The following CHD6 variants were observed in gnomAD, a reference collection of about 807,000 sequenced individuals.
CHD6 encodes chromodomain helicase DNA binding protein 6.
In CHD6, 50 loss-of-function variants were observed where a neutral mutation model predicts 276.9. The observed-to-expected ratio is 0.18, with a 90% CI of 0.14 to 0.23. CHD6 has a LOEUF of 0.23. Among genes scored for constraint, CHD6 ranks in the 10% least tolerant of loss-of-function variants. The pLI, the probability that CHD6 is intolerant of heterozygous loss-of-function variation, is 1.00. For synonymous variants in CHD6, 1,173 were observed against 1,229.3 expected, an observed-to-expected ratio of 0.95 and a Z score of 0.96; for missense variants, 2,564 against 3,365.8, an observed-to-expected ratio of 0.76 and a Z score of 5.89.
intron 11 of CHD6, among the ~76,000 whole-genome samples, chr20:41,491,033 GGTGA>G (rs199582160): frequency 8.6e-5 from 13 of 151,864 alleles, no homozygotes; most frequent in African/African-American, 1.7e-4. Flanking sequence ...AGTTGCTCTG[GGTGA>G]GTGAGTGAGT....
intron 1 of CHD6, among the ~76,000 whole-genome samples, chr20:41,596,312 G>C (rs560194519): frequency 6.6e-6 from 1 of 152,244 alleles, no homozygotes. Flanking sequence ...CCCTTAACTA[G>C]TTTAGAGGTC....
rs1160291280 is a variant in CHD6, at chr20:41,452,443, T to C, written c.3323+297A>G. On this transcript the variant is annotated intron_variant, in intron 21 of 36. Coordinates refer to ENST00000373233, the MANE Select transcript of CHD6 (RefSeq NM_032221.5). This position sits in a 1 kb window ranked among gnomAD's most constrained non-coding sequence, Gnocchi z 4.2. ...ACATGTGTTGTGTGGACTCCTTGTATATCCTTGCGGGGTGGGAGGAAGCAG... is the reference window on the plus strand; with the variant it reads ...ACATGTGTTGTGTGGACTCCTTGTACATCCTTGCGGGGTGGGAGGAAGCAG... 4.6e-5 allele frequency among the ~76,000 whole-genome samples: 7 copies of C among 152,216 alleles called. No individual in the cohort carries two copies. The highest frequency in any genetic ancestry group is 9.6e-5 in the African/African-American group (4 of 41,456).
intron 27 of CHD6, among the ~76,000 whole-genome samples, chr20:41,434,068 T>A (rs1319337168): frequency 1.3e-4 from 20 of 152,184 alleles, no homozygotes; most frequent in Non-Finnish European, 4.4e-5. Flanking sequence ...AGCTTTAATG[T>A]ATCAATAATT....
intron 1 of CHD6, among the ~76,000 whole-genome samples, chr20:41,571,450 T>C (rs1601154049): frequency 6.7e-6 from 1 of 149,278 alleles, no homozygotes; most frequent in African/African-American, 2.5e-5. Flanking sequence ...TGGACTGCAA[T>C]GGCACGATCT....
intron 1 of CHD6, among the ~76,000 whole-genome samples, chr20:41,599,955 T>C (rs1487927776): frequency 1.3e-5 from 2 of 152,312 alleles, no homozygotes; most frequent in East Asian, 1.9e-4. Flanking sequence ...ACAGGAACTA[T>C]ATAGGGATTT....
chr20:41,423,131 A>T (rs1376375137), intron 30 of CHD6, among the ~76,000 whole-genome samples: 2 of 152,224 alleles, frequency 1.3e-5, no homozygotes, highest in Non-Finnish European at 2.9e-5. Context: ...AGTTATTAAG[A>T]CTTAATCTAA....
chr20:41,454,521 A>C (rs2048329001), intron 20 of CHD6, 105 bp downstream of exon 20: 2 of 835,424 alleles, frequency 2.4e-6, no homozygotes, highest in African/African-American at 1.7e-5. Context: ...ATACCATTTA[A>C]GAACCAAGAC....
At chr20:41,438,671 A>C (rs2047796555) in intron 26 of CHD6, among the ~76,000 whole-genome samples, 1 of 152,198 alleles carries the variant, frequency 6.6e-6, no homozygotes, top group African/African-American at 2.4e-5. Context: ...CAAGTCCTAG[A>C]GGCAAGATAA....
chr20:41,566,501 C>T (rs2045356836), intron 1 of CHD6, among the ~76,000 whole-genome samples: 1 of 152,182 alleles, frequency 6.6e-6, no homozygotes, highest in African/African-American at 2.4e-5. Flanking sequence ...TCCCCAAGTT[C>T]CCTTCCCCAC....
chr20:41,410,567 G>A (rs989183447), intron 36 of CHD6, among the ~76,000 whole-genome samples: 3 of 152,304 alleles, frequency 2.0e-5, no homozygotes, highest in African/African-American at 4.8e-5. Context: ...GCCCCTGTTC[G>A]GAAGGCTGAG....
Position 41,533,156 on chromosome 20 carries a change from C to T in CHD6, c.448G>A (p.Gly150Arg). 6.2e-7 allele frequency: 1 copy of T among 1,614,162 alleles called. No homozygotes were observed. Among genetic ancestry groups the T allele is most frequent in the Non-Finnish European group, 8.5e-7 (1 of 1,180,036 alleles). ...CGGGGCTTCCGTGCCTTCTTTGCCC[C>T]ATCTTTTTGCTTCGGCTCCTTGTGC... ...KEHKEPKQKD[G>R]AKKARKPREA... The change falls in exon 3 of 37, where the codon GGG becomes AGG. Residue 150 changes from glycine (G) to arginine (R), a missense_variant. Gly to Arg is a moderately radical substitution (Grantham distance 125). Transcript: ENST00000373233.
intron 1 of CHD6, among the ~76,000 whole-genome samples, chr20:41,586,875 T>G (rs180908060): frequency 7.9e-5 from 12 of 152,348 alleles, no homozygotes; most frequent in African/African-American, 2.9e-4. Context: ...TTAATGTGAA[T>G]GAATTATTTT....
In CHD6 at chr20:41,403,652, A is replaced by G; in HGVS notation, c.*941T>C. ...GCAACTGTCTTCTTGCAGGCTCCAG[A>G]AAGAACCTTATTCTTGGTGAAGGAA... On this transcript the variant is annotated 3_prime_UTR_variant, in exon 37 of 37. Transcript: ENST00000373233. 1 of 1,061,170 alleles carries G rather than the reference A, an allele frequency of 9.4e-7. No individual in the cohort carries two copies. The highest frequency in any genetic ancestry group is 1.1e-6 in the Non-Finnish European group (1 of 876,714). 65.7% of individuals were successfully genotyped at this position (1,061,170 alleles called of 1,614,324 possible). A position where few individuals can be genotyped will look rare whatever the true frequency, so the allele number is the denominator to read the frequency against.
Position 41,533,575 on chromosome 20 carries a change from A to G in CHD6, c.34-5T>C. 1 of 1,593,134 alleles carries G rather than the reference A, an allele frequency of 6.3e-7. No individual in the cohort carries two copies. Among genetic ancestry groups the G allele is most frequent in the Non-Finnish European group, 8.5e-7 (1 of 1,174,688 alleles). ...CAAAACTTTTAAATTTGACAACTGT[A>G]AAAGAAAGAGAAACAAGCATATTAC... On this transcript the variant is annotated splice_polypyrimidine_tract_variant and splice_region_variant and intron_variant, in intron 2 of 36. Transcript: ENST00000373233.
intron 3 of CHD6, among the ~76,000 whole-genome samples, chr20:41,517,351 T>A (rs1374954719): frequency 6.6e-6 from 1 of 152,056 alleles, no homozygotes; most frequent in African/African-American, 2.4e-5. Flanking sequence ...ACCTGGGGGA[T>A]GAAATAATCT....
chr20:41,580,084 A>G (rs1014136924), intron 1 of CHD6, among the ~76,000 whole-genome samples: 1 of 152,180 alleles, frequency 6.6e-6, no homozygotes, highest in Non-Finnish European at 1.5e-5. Flanking sequence ...TGTATCACCA[A>G]TTTCCTTTCA....
At position 41,425,452 on chromosome 20, in the gene CHD6, G is replaced by A. The variant is rs140575655; in HGVS notation, c.4130-58C>T. On this transcript the variant is annotated intron_variant, in intron 28 of 36. Coordinates refer to ENST00000373233, the MANE Select transcript of CHD6 (RefSeq NM_032221.5). Reference sequence around the variant, plus strand: ...AAACAGAACTAAAACAGGAGTGACTGTCTTTTGGTTTTGTTTAAATAAAAA... The same window carrying A: ...AAACAGAACTAAAACAGGAGTGACTATCTTTTGGTTTTGTTTAAATAAAAA... 2.3e-3 allele frequency: 3,402 copies of A among 1,476,606 alleles called. 44 individuals carry two copies. The highest frequency in any genetic ancestry group is 0.019 in the Middle Eastern group (84 of 4,314). The allele number at this position is 1,476,606 out of a possible 1,614,324, so 91.5% of individuals were successfully genotyped here. A position where few individuals can be genotyped will look rare whatever the true frequency, so the allele number is the denominator to read the frequency against.
intron 5 of CHD6, among the ~76,000 whole-genome samples, chr20:41,504,637 TA>T (rs1392086310): frequency 1.3e-5 from 2 of 152,116 alleles, no homozygotes; most frequent in Non-Finnish European, 2.9e-5. Flanking sequence ...CTCGAAATTC[TA>T]AGCTCAAAGC....
At chr20:41,533,767 C>T (rs1016941937) in intron 2 of CHD6, among the ~76,000 whole-genome samples, 197 bp from the exon 3 acceptor site, 1 of 152,102 alleles carries the variant, frequency 6.6e-6, no homozygotes, top group Non-Finnish European at 1.5e-5. Context: ...TGGAGCTGTG[C>T]CAACGTGTTG....
Sources: allele counts gnomAD v4.1 joint callset (sites outside exome capture counted in the v4.1 genomes callset), GRCh38; gene constraint gnomAD v4.1.1; non-coding constraint Gnocchi (gnomAD v3.1); transcripts MANE v1.5; gene names NCBI Gene and HGNC (gene_info 2026-07-23, HGNC 2026-07-21).